Variants in PLEKHG7 observed in about 807,000 individuals in gnomAD.
The protein encoded by PLEKHG7 is pleckstrin homology domain-containing family G member 7.
Under a neutral mutation model 85.2 loss-of-function variants are expected in PLEKHG7, and 77 were observed. That is an observed-to-expected ratio of 0.90 (90% CI 0.75 to 1.09). The LOEUF is 1.09. PLEKHG7 is among the 50% of genes least tolerant of loss of function. The pLI is 0.00. For synonymous variants in PLEKHG7, 301 were observed against 302.4 expected (o/e 1.00, Z 0.05); for missense variants, 777 against 804.3 (o/e 0.97, Z 0.41).
chr12:92,715,050 A>AGAT (rs1157828693), intron 3 of PLEKHG7, among the ~76,000 whole-genome samples: 1 of 152,170 alleles, frequency 6.6e-6, no homozygotes, highest in African/African-American at 2.4e-5. Context: ...ATAGATAGAT[A>AGAT]GATAGATAGA....
chr12:92,719,612 T>C (rs7316453), intron 3 of PLEKHG7, among the ~76,000 whole-genome samples: 2,103 of 152,316 alleles, frequency 0.014, 42 homozygotes, highest in African/African-American at 0.048. Flanking sequence ...TTTTTATTCC[T>C]TTTAGACACA....
chr12:92,755,628 C>CAAG (rs2136622688), intron 11 of PLEKHG7, among the ~76,000 whole-genome samples, 197 bp from the exon 12 acceptor site: 1 of 152,278 alleles, frequency 6.6e-6, no homozygotes, highest in Non-Finnish European at 1.5e-5. Context: ...CTTGATTTTT[C>CAAG]TCTGCAAGAG....
chr12:92,740,223 C>G (rs1872309336), intron 7 of PLEKHG7, among the ~76,000 whole-genome samples: 1 of 152,176 alleles, frequency 6.6e-6, no homozygotes, highest in Non-Finnish European at 1.5e-5. Flanking sequence ...ATTGATCTCT[C>G]TTCAGTTTAT....
intron 3 of PLEKHG7, among the ~76,000 whole-genome samples, chr12:92,713,733 A>G (rs1044033193): frequency 6.6e-6 from 1 of 152,198 alleles, no homozygotes; most frequent in Non-Finnish European, 1.5e-5. Context: ...CACCATCCCA[A>G]TCTCCCTAAG....
chr12:92,740,905 T>C lies in PLEKHG7; in HGVS notation c.992T>C (p.Val331Ala), dbSNP rs1872336583. Residue 331 changes from valine (V) to alanine (A), a missense_variant, in exon 8 of 17, where the codon GTG becomes GCG. Around this residue, in one of 3 missense-constraint regions of PLEKHG7, gnomAD observed 520 missense variants for 544.0 expected, o/e 0.96. Transcript: ENST00000344636. ...CAAACTCATGAATATCTCCTAGATG[T>C]GGATTTATGGAGACTTTTTGCAAAC... is the stretch of plus-strand genomic sequence containing the variant. ...YLQTHEYLLD[V>A]DLWRLFANLE... 1.9e-6 allele frequency: 3 copies of C among 1,612,412 alleles called. No homozygotes were observed. The East Asian group carries it at 6.7e-5, about 36-fold the overall frequency.
chr12:92,757,595 A>G (rs1592687371), intron 13 of PLEKHG7, among the ~76,000 whole-genome samples: 1 of 152,344 alleles, frequency 6.6e-6, no homozygotes, highest in South Asian at 2.1e-4. Context: ...GCTTTTTCAT[A>G]CATTGTCTCT....
chr12:92,733,511 C>T (rs1317199714), intron 5 of PLEKHG7, among the ~76,000 whole-genome samples: 1 of 152,168 alleles, frequency 6.6e-6, no homozygotes, highest in Non-Finnish European at 1.5e-5. Flanking sequence ...ACCATTGCCA[C>T]CAGGGCTGTT....
At position 92,761,695 on chromosome 12, in the gene PLEKHG7, A is replaced by G. The variant is rs867586971; in HGVS notation, c.1637-57A>G. On this transcript the variant is annotated intron_variant, in intron 13 of 16. Transcript: ENST00000344636. The stretch of plus-strand genomic sequence containing the variant: ...GAAAGAAAGAAAGAAAGGGAAAGAA[A>G]AACTCTTCTACTTAACAGTTTCAGG... The G allele has an allele frequency of 5.5e-6, 8 of 1,462,662 alleles. No individual in the cohort carries two copies. The Middle Eastern group carries it at 1.2e-3, about 225-fold the overall frequency. 90.6% of individuals were successfully genotyped at this position (1,462,662 alleles called of 1,614,324 possible).
At chr12:92,710,145 A>G (rs1871339724) in intron 3 of PLEKHG7, among the ~76,000 whole-genome samples, 1 of 152,206 alleles carries the variant, frequency 6.6e-6, no homozygotes, top group Admixed American at 6.5e-5. Flanking sequence ...GAGTAGTGCC[A>G]CTTTGACTTC....
chr12:92,720,324 T>TC (rs1871602612), intron 3 of PLEKHG7, among the ~76,000 whole-genome samples: 1 of 39,624 alleles, frequency 2.5e-5, no homozygotes, highest in Non-Finnish European at 5.2e-5. Flanking sequence ...TCTTAGTGTC[T>TC]TTTTTTTTTT....
intron 7 of PLEKHG7, among the ~76,000 whole-genome samples, chr12:92,739,179 G>A (rs1872272228): frequency 1.3e-5 from 2 of 152,356 alleles, no homozygotes; most frequent in South Asian, 2.1e-4. Flanking sequence ...GCCAGAGAGA[G>A]AGAGAGATCT....
intron 1 of PLEKHG7, among the ~76,000 whole-genome samples, chr12:92,705,043 G>A (rs1871194415): frequency 6.6e-6 from 1 of 152,204 alleles, no homozygotes; most frequent in Non-Finnish European, 1.5e-5. Context: ...TATTCACAAG[G>A]TTGTTGGACT....
chr12:92,745,386 G>A, intron 9 of PLEKHG7, 92 bp from the exon 10 acceptor site: 1 of 847,588 alleles, frequency 1.2e-6, no homozygotes. Context: ...CCCTGTTCTA[G>A]TTAATGATAA....
intron 4 of PLEKHG7, among the ~76,000 whole-genome samples, chr12:92,731,986 A>C (rs147354429): frequency 6.6e-6 from 1 of 152,342 alleles, no homozygotes; most frequent in African/African-American, 2.4e-5. Context: ...TACACCAGTA[A>C]AGAAACAGGA....
At chr12:92,714,104 G>A (rs1252276488) in intron 3 of PLEKHG7, among the ~76,000 whole-genome samples, 1 of 152,210 alleles carries the variant, frequency 6.6e-6, no homozygotes, top group Non-Finnish European at 1.5e-5. Flanking sequence ...TGCCTGCCGG[G>A]ACTTTAGTCC....
chr12:92,756,545 C>T (rs1284279294), intron 13 of PLEKHG7, among the ~76,000 whole-genome samples, 154 bp downstream of exon 13: 2 of 152,212 alleles, frequency 1.3e-5, no homozygotes, highest in Non-Finnish European at 2.9e-5. Flanking sequence ...CACACAGACT[C>T]AGGCTTGAAT....
intron 3 of PLEKHG7, among the ~76,000 whole-genome samples, chr12:92,720,679 C>T (rs912785238): frequency 2.0e-5 from 3 of 152,158 alleles, no homozygotes; most frequent in African/African-American, 7.2e-5. Flanking sequence ...CCCACTCAGA[C>T]AATCCCGAAT....
chr12:92,711,760 A>G (rs979094738), intron 3 of PLEKHG7, among the ~76,000 whole-genome samples: 3 of 152,182 alleles, frequency 2.0e-5, no homozygotes, highest in African/African-American at 4.8e-5. Context: ...CTTAAGCACC[A>G]TTGGATCTGC....
chr12:92,757,687 T>A (rs1031718669), intron 13 of PLEKHG7, among the ~76,000 whole-genome samples: 3 of 152,192 alleles, frequency 2.0e-5, no homozygotes, highest in Admixed American at 6.5e-5. Flanking sequence ...TTCTGTATCA[T>A]GCCCAAGTTC....
Sources: gnomAD v4.1 joint callset for allele counts (sites outside exome capture counted in the v4.1 genomes callset) on GRCh38, gnomAD v4.1.1 for gene constraint, gnomAD v4.1.1 regional missense constraint, MANE v1.5 for transcripts, NCBI Gene and HGNC (gene_info 2026-07-23, HGNC 2026-07-21) for gene names.